Variants in EDN1 observed in about 807,000 individuals in gnomAD.
EDN1 encodes the protein endothelin-1.
A neutral mutation model predicts 21.7 loss-of-function variants in EDN1; 11 were observed. That is an observed-to-expected ratio of 0.51 (90% CI 0.32 to 0.84). The LOEUF (loss-of-function observed/expected upper bound fraction) is 0.84, where lower values mean the gene tolerates loss of function less well. Among genes scored for constraint, EDN1 ranks in the 40% least tolerant of loss-of-function variants. The probability of loss-of-function intolerance (pLI) is 0.03; values close to 1 mark genes in which losing one functional copy is unlikely to be tolerated. For missense variants in EDN1, 244 were observed against 262.3 expected (o/e 0.93, Z 0.48); for synonymous variants, 85 against 90.6 (o/e 0.94, Z 0.35).
chr6:12,246,047 C>T, the EDN1 span, among the ~76,000 whole-genome samples: 1 of 152,062 alleles, frequency 6.6e-6, no homozygotes, highest in Admixed American at 6.6e-5. Flanking sequence ...AAAGAAATTG[C>T]ATATACCTCT....
chr6:12,284,683 AAAG>A, the EDN1 span, among the ~76,000 whole-genome samples: 1 of 150,692 alleles, frequency 6.6e-6, no homozygotes, highest in Non-Finnish European at 1.5e-5. Flanking sequence ...AGAAAGAAAG[AAAG>A]AGAGAAAGAA....
At chr6:12,266,042 T>C in the EDN1 span, among the ~76,000 whole-genome samples, 1 of 152,128 alleles carries the variant, frequency 6.6e-6, no homozygotes, top group African/African-American at 2.4e-5. Context: ...AGGGCCACCC[T>C]CTTAAGTCAT....
chr6:12,252,878 T>C, the EDN1 span, among the ~76,000 whole-genome samples: 7 of 151,808 alleles, frequency 4.6e-5, no homozygotes, highest in Admixed American at 3.9e-4. Context: ...GATAAAAATA[T>C]CCAACCTGTA....
chr6:12,257,247 T>C, the EDN1 span, among the ~76,000 whole-genome samples: 7 of 152,202 alleles, frequency 4.6e-5, no homozygotes, highest in African/African-American at 1.7e-4. Context: ...ATTTTCACAG[T>C]CTGTGATGCC....
the EDN1 span, among the ~76,000 whole-genome samples, chr6:12,261,849 G>A: frequency 6.6e-6 from 1 of 152,200 alleles, no homozygotes; most frequent in East Asian, 1.9e-4. Context: ...AAAAGGGGAA[G>A]GATGTGTCAC....
chr6:12,288,042 G>T (rs949762126), upstream of EDN1, among the ~76,000 whole-genome samples: 5 of 152,092 alleles, frequency 3.3e-5, no homozygotes, highest in Admixed American at 6.5e-5. Context: ...AAGGCTGGGC[G>T]TTGCTGGAAC....
chr6:12,288,016 C>T (rs1333499478), upstream of EDN1, among the ~76,000 whole-genome samples: 2 of 151,954 alleles, frequency 1.3e-5, no homozygotes, highest in African/African-American at 4.8e-5. Context: ...TTCATTTTGC[C>T]CCACTTCTCC....
the EDN1 span, among the ~76,000 whole-genome samples, chr6:12,272,452 CTTTT>C: frequency 9.4e-6 from 1 of 106,814 alleles, no homozygotes; most frequent in Non-Finnish European, 1.8e-5. Flanking sequence ...GAGTCATACT[CTTTT>C]TTTTTTTTTT....
At chr6:12,269,094 A>G in the EDN1 span, among the ~76,000 whole-genome samples, 5 of 152,116 alleles carry the variant, frequency 3.3e-5, no homozygotes, top group African/African-American at 1.2e-4. Flanking sequence ...TGTAGCTAGC[A>G]TAAATGAGAT....
the EDN1 span, among the ~76,000 whole-genome samples, chr6:12,252,982 T>C: frequency 6.6e-6 from 1 of 152,196 alleles, no homozygotes; most frequent in Non-Finnish European, 1.5e-5. Context: ...AGGAGTTCTT[T>C]AAAACTCTAC....
the EDN1 span, among the ~76,000 whole-genome samples, chr6:12,258,125 G>C: frequency 6.6e-6 from 1 of 151,890 alleles, no homozygotes; most frequent in Non-Finnish European, 1.5e-5. Context: ...AATTGCAAGC[G>C]GAGGTGCAGA....
At chr6:12,257,057 G>T in the EDN1 span, among the ~76,000 whole-genome samples, 4 of 152,120 alleles carry the variant, frequency 2.6e-5, no homozygotes, top group Non-Finnish European at 5.9e-5. Flanking sequence ...AGAGAAAAAT[G>T]AGGAACCAAA....
chr6:12,235,419 C>G, the EDN1 span, among the ~76,000 whole-genome samples: 2 of 152,130 alleles, frequency 1.3e-5, no homozygotes, highest in Non-Finnish European at 2.9e-5. Flanking sequence ...TCTGTTTTTC[C>G]AAAGTAGATA....
At chr6:12,237,546 C>G in the EDN1 span, among the ~76,000 whole-genome samples, 326 of 152,252 alleles carry the variant, frequency 2.1e-3, no homozygotes, top group Non-Finnish European at 3.4e-3. Flanking sequence ...CATCAGTAAG[C>G]AAGAGATTCT....
chr6:12,236,482 A>T, the EDN1 span, among the ~76,000 whole-genome samples: 2 of 151,840 alleles, frequency 1.3e-5, no homozygotes, highest in Non-Finnish European at 2.9e-5. Flanking sequence ...CTGGTCTCAA[A>T]CTCCTGACCT....
At chr6:12,276,596 T>C in the EDN1 span, among the ~76,000 whole-genome samples, 1 of 152,224 alleles carries the variant, frequency 6.6e-6, no homozygotes, top group Non-Finnish European at 1.5e-5. Context: ...TTATTTTGTC[T>C]TAGCCAGACA....
At chr6:12,291,993 T>G (rs890535536) in intron 1 of EDN1, among the ~76,000 whole-genome samples, 5 of 152,246 alleles carry the variant, frequency 3.3e-5, no homozygotes, top group African/African-American at 9.6e-5. Flanking sequence ...TCCTACCAAG[T>G]TCCTTGTAGA....
chr6:12,250,428 C>T, the EDN1 span, among the ~76,000 whole-genome samples: 5 of 152,078 alleles, frequency 3.3e-5, no homozygotes, highest in African/African-American at 1.2e-4. Context: ...CTTCAGAATC[C>T]ATTTATTTCA....
the EDN1 span, among the ~76,000 whole-genome samples, chr6:12,247,793 C>T: frequency 1.3e-5 from 2 of 151,982 alleles, no homozygotes; most frequent in Non-Finnish European, 2.9e-5. Flanking sequence ...CCTGCTTTTG[C>T]CTCCCAAAGT....
Sources: allele counts gnomAD v4.1 joint callset (sites outside exome capture counted in the v4.1 genomes callset), GRCh38; gene constraint gnomAD v4.1.1; transcripts MANE v1.5; gene names NCBI Gene and HGNC (gene_info 2026-07-23, HGNC 2026-07-21).